Variants in ASB2 observed in about 807,000 individuals in gnomAD.
ASB2 encodes ankyrin repeat and SOCS box protein 2.
ASB2 carries 58 observed loss-of-function variants against 62.4 expected under a neutral mutation model. The observed-to-expected ratio is 0.93, with a 90% CI of 0.75 to 1.16. The LOEUF (loss-of-function observed/expected upper bound fraction) is 1.16, where lower values mean the gene tolerates loss of function less well. Among genes scored for constraint, ASB2 ranks in the 50% most tolerant of loss-of-function variants. The pLI is 0.00. For synonymous variants in ASB2, 386 were observed against 385.3 expected (o/e 1.00, Z -0.02); for missense variants, 928 against 887.9 (o/e 1.05, Z -0.57).
chr14:93,965,500 T>C (rs1353754022), intron 1 of ASB2, among the ~76,000 whole-genome samples: 12 of 152,234 alleles, frequency 7.9e-5, no homozygotes, highest in Non-Finnish European at 1.8e-4. Context: ...CAGTGACTCT[T>C]TTCTTAAAAA....
Position 93,939,116 on chromosome 14 carries a change from C to T in ASB2, c.1609G>A (p.Val537Met), listed in dbSNP as rs1165717110. 6.6e-7 allele frequency: 1 copy of T among 1,511,856 alleles called. No homozygotes were observed. The highest frequency in any genetic ancestry group is 8.9e-7 in the Non-Finnish European group (1 of 1,126,068). 93.7% of individuals were successfully genotyped at this position (1,511,856 alleles called of 1,614,324 possible). The change falls in exon 8 of 10, where the codon GTG becomes ATG. Residue 537 changes from valine to methionine, a missense_variant. Val to Met is a conservative substitution (Grantham distance 21, BLOSUM62 1). Transcript: ENST00000555019. ...CAGCGTGCGCTGCCCACCTGCACCA[C>T]GCTGGGCTCCTTGTCGGCCGCGGGC... The part of the protein sequence containing the change: ...DAPAADKEPS[V>M]VQFCEFVSAP...
At chr14:93,935,748 C>T (rs1414099080) in intron 9 of ASB2, among the ~76,000 whole-genome samples, 3 of 152,152 alleles carry the variant, frequency 2.0e-5, no homozygotes, top group African/African-American at 7.2e-5. Flanking sequence ...GAAGCATTCA[C>T]ACACCCATCA....
chr14:93,942,186 C>A (rs1451138546), intron 7 of ASB2: 11 of 456,042 alleles, frequency 2.4e-5, no homozygotes, highest in South Asian at 1.7e-4. Context: ...TGACTCTTCC[C>A]ACTTCTCCCA....
intron 7 of ASB2, among the ~76,000 whole-genome samples, chr14:93,946,911 G>GC (rs1049578114): frequency 2.0e-5 from 3 of 152,090 alleles, no homozygotes; most frequent in Non-Finnish European, 2.9e-5. Flanking sequence ...ACTCATATCT[G>GC]CCCCCCAGGA....
intron 8 of ASB2, 31 bp from the exon 9 acceptor site, chr14:93,937,882 G>T (rs1490756661): frequency 6.4e-7 from 1 of 1,571,768 alleles, no homozygotes; most frequent in Non-Finnish European, 8.7e-7. Flanking sequence ...ACCAAGAAGT[G>T]AGTTCATCCC....
chr14:93,964,278 CA>C, intron 2 of ASB2, 55 bp downstream of exon 2: 7 of 1,469,494 alleles, frequency 4.8e-6, no homozygotes, highest in Non-Finnish European at 6.4e-6. Context: ...TAGGGATCTA[CA>C]GTCTGTGGAT....
At chr14:93,957,907 T>C (rs12434083) in intron 2 of ASB2, among the ~76,000 whole-genome samples, 11,137 of 152,140 alleles carry the variant, frequency 0.073, 447 homozygotes, top group African/African-American at 0.096. Flanking sequence ...CACCACACTC[T>C]TCTGGGGGGG....
chr14:93,965,254 C>A (rs1262904965), intron 1 of ASB2, among the ~76,000 whole-genome samples: 5 of 152,234 alleles, frequency 3.3e-5, no homozygotes, highest in Non-Finnish European at 5.9e-5. Context: ...CTGTGTCAGG[C>A]ACTCTTCTAA....
chr14:93,964,352 T>A lies in ASB2; in HGVS notation c.188A>T (p.His63Leu), dbSNP rs1262402712. The A allele has an allele frequency of 6.5e-7, 1 of 1,536,044 alleles. No homozygotes were observed. The highest frequency in any genetic ancestry group is 8.7e-7 in the Non-Finnish European group (1 of 1,146,916). ...ASACTNRQPA[H>L]FYPWTRSTAP... is the part of the protein sequence containing the mutation. ...TGCTCACCTGGTCCATGGGTAGAAA[T>A]GGGCAGGTTGGCGGTTGGTACATGC... Residue 63 changes from histidine (H) to leucine (L), a missense_variant, in exon 2 of 10, where the codon CAT (histidine) becomes CTT (leucine). Coordinates refer to ENST00000555019, the MANE Select transcript of ASB2 (RefSeq NM_001202429.2).
chr14:93,937,726 C>G lies in ASB2; in HGVS notation c.1743G>C (p.Glu581Asp). The G allele has an allele frequency of 6.2e-7, 1 of 1,612,120 alleles. No individual in the cohort carries two copies. Among genetic ancestry groups the G allele is most frequent in the East Asian group, 2.2e-5 (1 of 44,814 alleles). Residue 581 changes from glutamate (E) to aspartate (D), a missense_variant, in exon 9 of 10, where the codon GAG becomes GAC. Coordinates refer to ENST00000555019, the MANE Select transcript of ASB2 (RefSeq NM_001202429.2). ...SRLKEHIDSFEDWAVIKEKAE... is the reference protein window; with the variant it reads ...SRLKEHIDSFDDWAVIKEKAE... ...CCTTCTCCTTGATGACGGCCCAGTC[C>G]TCAAAGCTGTCGATGTGTTCCTTCA... is the stretch of plus-strand genomic sequence containing the variant.
chr14:93,939,517 C>G lies in ASB2; in HGVS notation c.1208G>C (p.Arg403Pro). 1 of 1,606,520 alleles carries G rather than the reference C, an allele frequency of 6.2e-7. No individual in the cohort carries two copies. Residue 403 changes from arginine to proline, a missense_variant, in exon 8 of 10, where the codon CGC becomes CCC. Coordinates refer to ENST00000555019, the MANE Select transcript of ASB2 (RefSeq NM_001202429.2). ...FDVNTPLAPERARLYEDRRSS... is the reference protein window; with the variant it reads ...FDVNTPLAPEPARLYEDRRSS... ...GCGCCGGTCTTCGTAGAGGCGCGCGCGCTCGGGGGCCAGCGGCGTGTTCAC... is the reference window on the plus strand; with the variant it reads ...GCGCCGGTCTTCGTAGAGGCGCGCGGGCTCGGGGGCCAGCGGCGTGTTCAC...
At chr14:93,959,396 C>T (rs950262107) in intron 2 of ASB2, among the ~76,000 whole-genome samples, 25 of 152,284 alleles carry the variant, frequency 1.6e-4, no homozygotes, top group African/African-American at 5.3e-4. Context: ...CTGGGCAAGG[C>T]GACCGCTCAG....
In ASB2 at chr14:93,939,488, A is replaced by C; in HGVS notation, c.1237T>G (p.Ser413Ala). 6.2e-7 allele frequency: 1 copy of C among 1,611,122 alleles called. No individual in the cohort carries two copies. The highest frequency in any genetic ancestry group is 2.2e-5 in the East Asian group (1 of 44,802). ...RARLYEDRRS[S>A]ALYFAVVNNN... ...TTGACCACCGCGAAGTACAGCGCGG[A>C]GCTGCGCCGGTCTTCGTAGAGGCGC... is the stretch of plus-strand genomic sequence containing the variant. The change falls in exon 8 of 10, where the codon TCC (serine) becomes GCC (alanine). Residue 413 changes from serine to alanine, a missense_variant. Physicochemically the swap from Ser to Ala is moderately conservative, Grantham distance 99 (BLOSUM62 1). Coordinates refer to ENST00000555019, the MANE Select transcript of ASB2 (RefSeq NM_001202429.2).
chr14:93,958,097 C>A (rs1248387056), intron 2 of ASB2, among the ~76,000 whole-genome samples: 1 of 152,194 alleles, frequency 6.6e-6, no homozygotes, highest in Non-Finnish European at 1.5e-5. Flanking sequence ...GGAACCTGCT[C>A]ACCCCTCTGC....
intron 1 of ASB2, among the ~76,000 whole-genome samples, chr14:93,965,256 C>G (rs1446898448): frequency 1.3e-5 from 2 of 152,240 alleles, no homozygotes; most frequent in Non-Finnish European, 2.9e-5. Flanking sequence ...GTGTCAGGCA[C>G]TCTTCTAAGC....
intron 3 of ASB2, chr14:93,954,966 T>C: frequency 2.3e-6 from 1 of 438,348 alleles, no homozygotes; most frequent in Non-Finnish European, 4.5e-6. Context: ...ATTAATAAAT[T>C]TGAAGCCTTC....
rs1426539098 is a variant in ASB2, at chr14:93,934,643, C to G, written c.*13G>C. 1 of 1,613,646 alleles carries G rather than the reference C, an allele frequency of 6.2e-7. No homozygotes were observed. The highest frequency in any genetic ancestry group is 8.5e-7 in the Non-Finnish European group (1 of 1,179,814). ...GAGTCTGAGGGGCTACTCCTCTCTC[C>G]CCGTGGCCCCAGTTACTGGGTGTTC... On this transcript the variant is annotated 3_prime_UTR_variant, in exon 10 of 10. Coordinates refer to ENST00000555019, the MANE Select transcript of ASB2 (RefSeq NM_001202429.2).
chr14:93,956,524 G>T (rs902549847), intron 3 of ASB2, among the ~76,000 whole-genome samples: 1 of 152,084 alleles, frequency 6.6e-6, no homozygotes, highest in Non-Finnish European at 1.5e-5. Context: ...GGCATCTGAG[G>T]GGGGGATCAC....
In ASB2 at chr14:93,955,643, C is replaced by T. The variant is rs553059486; in HGVS notation, c.311+1123G>A. ...TGGCGAGCAGGGCGTGGTGCAGTGT[C>T]GTGAGAACACTTTCAGGACCTGCCG... On this transcript the variant is annotated intron_variant, in intron 3 of 9. Coordinates refer to ENST00000555019, the MANE Select transcript of ASB2 (RefSeq NM_001202429.2). The T allele has an allele frequency of 1.9e-4, 30 of 161,808 alleles. No individual in the cohort carries two copies. In the Middle Eastern group the frequency reaches 9.7e-3, roughly 53 times the overall value. 10.0% of individuals were successfully genotyped at this position (161,808 alleles called of 1,614,324 possible). A position where few individuals can be genotyped will look rare whatever the true frequency, so the allele number is the denominator to read the frequency against.
Sources: allele counts gnomAD v4.1 joint callset (sites outside exome capture counted in the v4.1 genomes callset), GRCh38; gene constraint gnomAD v4.1.1; transcripts MANE v1.5; gene names NCBI Gene and HGNC (gene_info 2026-07-23, HGNC 2026-07-21).